Variants in RAG1 observed in about 807,000 individuals in gnomAD.
The protein encoded by RAG1 is recombination activating 1.
In RAG1, 35 loss-of-function variants were observed where a neutral mutation model predicts 62.7. That is an observed-to-expected ratio of 0.56 (90% CI 0.43 to 0.74). The LOEUF is 0.74. RAG1 is among the 30% of genes least tolerant of loss of function. The probability of loss-of-function intolerance (pLI) is 0.00; values close to 1 mark genes in which losing one functional copy is unlikely to be tolerated. For synonymous variants in RAG1, 461 were observed against 470.3 expected (o/e 0.98, Z 0.26); for missense variants, 1,169 against 1,278.6 (o/e 0.91, Z 1.31).
chr11:36,577,740 T>G lies in RAG1; in HGVS notation c.*1304T>G, dbSNP rs1850873779. 1 of 167,100 alleles carries G rather than the reference T, an allele frequency of 6.0e-6. No homozygotes were observed. Among genetic ancestry groups the G allele is most frequent in the Non-Finnish European group, 1.5e-5 (1 of 68,122 alleles). 10.4% of individuals were successfully genotyped at this position (167,100 alleles called of 1,614,324 possible). On this transcript the variant is annotated 3_prime_UTR_variant, in exon 2 of 2. Transcript: ENST00000299440. ...GTAATAAATACTTGGCTTGGAAATT[T>G]AACACAGTCCTTTTGTCTCCAAAGC... is the stretch of plus-strand genomic sequence containing the variant.
exon 2 of RAG1, chr11:36,520,158 A>G (rs1174032714): frequency 1.3e-5 from 2 of 152,256 alleles, no homozygotes; most frequent in African/African-American, 2.4e-5. Flanking sequence ...CACTTCAAAG[A>G]ATCACCTTGT....
At chr11:36,549,192 C>A (rs10931960) in intron 3 of RAG1, among the ~76,000 whole-genome samples, 34 of 152,302 alleles carry the variant, frequency 2.2e-4, no homozygotes, top group South Asian at 1.0e-3. Context: ...CTAGGCAATA[C>A]CATTCAGGAT....
rs778396445 is a variant in RAG1 at position 36,576,337 on chromosome 11, A to C, written c.3033A>C (p.Ala1011=). The C allele has an allele frequency of 3.1e-6, 5 of 1,614,170 alleles. No individual in the cohort carries two copies. Among genetic ancestry groups the C allele is most frequent in the South Asian group, 1.1e-5 (1 of 91,088 alleles). ...AGAAGTTTATGAATGCTCATAATGC[A>C]TTAAAAACCTCTGGGTTTACCATGA... ...YLQKFMNAHN[A]LKTSGFTMNP... The change falls in exon 2 of 2, where the codon GCA becomes GCC. Residue 1011 remains alanine (A), a synonymous_variant. Transcript: ENST00000299440.
chr11:36,567,093 CT>C (rs1313298643), upstream of RAG1, among the ~76,000 whole-genome samples: 2 of 152,190 alleles, frequency 1.3e-5, no homozygotes, highest in Non-Finnish European at 2.9e-5. Context: ...TAGACTATTA[CT>C]ACAAAGTGGC....
At chr11:36,570,902 C>T (rs1209404593) in intron 1 of RAG1, among the ~76,000 whole-genome samples, 6 of 152,072 alleles carry the variant, frequency 3.9e-5, no homozygotes, top group Non-Finnish European at 7.4e-5. Context: ...GTTTGAGCTC[C>T]TTGTATATTC....
chr11:36,547,434 T>C (rs1850411674), intron 3 of RAG1, among the ~76,000 whole-genome samples: 1 of 152,090 alleles, frequency 6.6e-6, no homozygotes, highest in Non-Finnish European at 1.5e-5. Context: ...TAAAAAATGA[T>C]AAAGTGGATA....
At position 36,578,700 on chromosome 11, in the gene RAG1, A is replaced by G; in HGVS notation, c.*2264A>G. On this transcript the variant is annotated 3_prime_UTR_variant, in exon 2 of 2. Coordinates refer to ENST00000299440, the MANE Select transcript of RAG1 (RefSeq NM_000448.3). ...GATCACATTTTGATAAACCCTGGGA[A>G]CATCTGGCTGCAGGAATTTCAATAT... is the stretch of plus-strand genomic sequence containing the variant. The G allele has an allele frequency of 6.0e-6, 1 of 167,230 alleles. No homozygotes were observed. The allele number at this position is 167,230 out of a possible 1,614,324, so 10.4% of individuals were successfully genotyped here.
At chr11:36,559,787 A>G (rs1850555387) in intron 3 of RAG1, among the ~76,000 whole-genome samples, 1 of 151,988 alleles carries the variant, frequency 6.6e-6, no homozygotes, top group Non-Finnish European at 1.5e-5. Flanking sequence ...GATTTTGTTA[A>G]ATTGTCTATC....
chr11:36,516,178 G>A (rs1275025249), intron 1 of RAG1, among the ~76,000 whole-genome samples: 1 of 152,210 alleles, frequency 6.6e-6, no homozygotes, highest in Non-Finnish European at 1.5e-5. Flanking sequence ...CCAGCCAGAG[G>A]ATGTAAGTAT....
intron 3 of RAG1, among the ~76,000 whole-genome samples, chr11:36,544,388 A>G (rs1258957051): frequency 2.0e-5 from 3 of 152,178 alleles, no homozygotes; most frequent in South Asian, 4.1e-4. Flanking sequence ...GGGGCTGGAG[A>G]TAAGGAACGA....
At position 36,579,647 on chromosome 11, in the gene RAG1, A is replaced by G. The variant is rs1850908060; in HGVS notation, c.*3211A>G. The G allele has an allele frequency of 6.0e-6, 1 of 166,958 alleles. No individual in the cohort carries two copies. The highest frequency in any genetic ancestry group is 6.5e-5 in the Admixed American group (1 of 15,272). 10.3% of individuals were successfully genotyped at this position (166,958 alleles called of 1,614,324 possible). Reference sequence around the variant, plus strand: ...TTCCATGTCAAATGTTTTCAAATAAAATGAAATATGAGTTTCAATACTTTT... The same window carrying G: ...TTCCATGTCAAATGTTTTCAAATAAGATGAAATATGAGTTTCAATACTTTT... On this transcript the variant is annotated 3_prime_UTR_variant, in exon 2 of 2. Coordinates refer to ENST00000299440, the MANE Select transcript of RAG1 (RefSeq NM_000448.3).
rs953538050 is a variant in RAG1 at position 36,574,519 on chromosome 11, A to T, written c.1215A>T (p.Arg405Ser). Reference sequence around the variant, plus strand: ...AACATCTTCTGTCGCTGACTCGGAGAGCTCAGAAGCACCGGCTGAGGGAGC... The same window carrying T: ...AACATCTTCTGTCGCTGACTCGGAGTGCTCAGAAGCACCGGCTGAGGGAGC... ...PRQHLLSLTRRAQKHRLRELK... is the reference protein window; with the variant it reads ...PRQHLLSLTRSAQKHRLRELK... The change falls in exon 2 of 2, where the codon AGA becomes AGT. Residue 405 changes from arginine (R) to serine (S), a missense_variant. By Grantham distance (110) the Arg-to-Ser change is moderately radical (BLOSUM62 -1). Transcript: ENST00000299440. The T allele has an allele frequency of 6.2e-7, 1 of 1,614,214 alleles. No homozygotes were observed.
At chr11:36,526,539 C>T (rs1298390060) in intron 2 of RAG1, among the ~76,000 whole-genome samples, 1 of 152,142 alleles carries the variant, frequency 6.6e-6, no homozygotes, top group Non-Finnish European at 1.5e-5. Context: ...CCACAATAAA[C>T]ATACGTGTGC....
chr11:36,530,888 A>G (rs1860243112), intron 2 of RAG1, among the ~76,000 whole-genome samples: 3 of 151,882 alleles, frequency 2.0e-5, no homozygotes, highest in Admixed American at 1.3e-4. Flanking sequence ...TATTACATCA[A>G]CTTCTCAGAG....
chr11:36,550,735 A>T (rs79246407), intron 3 of RAG1, among the ~76,000 whole-genome samples: 3,516 of 152,116 alleles, frequency 0.023, 127 homozygotes, highest in African/African-American at 0.077. Context: ...CTTAATTCTC[A>T]TGTAGGTTTT....
rs748028123 is a variant in RAG1 at position 36,573,594 on chromosome 11, C to T, written c.290C>T (p.Ala97Val). The change falls in exon 2 of 2, where the codon GCA becomes GTA. Residue 97 changes from alanine to valine, a missense_variant. Around this residue, in one of 2 missense-constraint regions of RAG1, gnomAD observed 369 missense variants for 335.3 expected, o/e 1.10. Transcript: ENST00000299440. ...AAGAAATTTCACGACAACGAGAAAG[C>T]AAGAGGCAAAGCGATCCATCAAGCC... ...FSKKFHDNEK[A>V]RGKAIHQANL... 6.2e-6 allele frequency: 10 copies of T among 1,614,200 alleles called. 1 individual carries two copies. Among genetic ancestry groups the T allele is most frequent in the Non-Finnish European group, 8.5e-6 (10 of 1,180,032 alleles).
downstream of RAG1, among the ~76,000 whole-genome samples, chr11:36,540,152 C>T (rs1023558984): frequency 6.6e-6 from 1 of 151,986 alleles, no homozygotes; most frequent in African/African-American, 2.4e-5. Flanking sequence ...GTCGAGAAGC[C>T]GGGGGGAGAA....
chr11:36,567,719 C>T (rs903189636), upstream of RAG1, among the ~76,000 whole-genome samples: 7 of 152,188 alleles, frequency 4.6e-5, no homozygotes, highest in Non-Finnish European at 5.9e-5. Context: ...AACTGAGGCA[C>T]AGAGATATAG....
intron 2 of RAG1, among the ~76,000 whole-genome samples, chr11:36,531,256 T>C (rs1268534655): frequency 1.3e-5 from 2 of 151,976 alleles, no homozygotes; most frequent in African/African-American, 4.8e-5. Context: ...GGACAACATA[T>C]AGTTGAATGT....
Sources: gnomAD v4.1 joint callset for allele counts (sites outside exome capture counted in the v4.1 genomes callset) on GRCh38, gnomAD v4.1.1 for gene constraint, gnomAD v4.1.1 regional missense constraint, MANE v1.5 for transcripts, NCBI Gene and HGNC (gene_info 2026-07-23, HGNC 2026-07-21) for gene names.